Variants in GATAD2B observed in about 807,000 individuals in gnomAD.
GATAD2B encodes GATA zinc finger domain containing 2B.
Under a neutral mutation model 64.3 loss-of-function variants are expected in GATAD2B, and 8 were observed. The ratio of observed to expected loss-of-function variants is 0.12; its 90% CI spans 0.07 to 0.22. The LOEUF is 0.22. GATAD2B is among the 10% of genes least tolerant of loss of function. GATAD2B has a pLI of 1.00. For missense variants in GATAD2B, 453 were observed against 752.0 expected, an observed-to-expected ratio of 0.60 and a Z score of 4.65; for synonymous variants, 281 against 271.3, an observed-to-expected ratio of 1.04 and a Z score of -0.35.
At chr1:153,889,342 G>C (rs1313260292) in intron 1 of GATAD2B, among the ~76,000 whole-genome samples, 2 of 148,370 alleles carry the variant, frequency 1.3e-5, no homozygotes, top group Admixed American at 6.9e-5. Context: ...AACCCAGGAG[G>C]CGGACGTTCT....
At chr1:153,846,100 T>C (rs1224373258) in intron 1 of GATAD2B, among the ~76,000 whole-genome samples, 1 of 152,220 alleles carries the variant, frequency 6.6e-6, no homozygotes, top group Non-Finnish European at 1.5e-5. Flanking sequence ...TTTTCGACAG[T>C]ATTTATCTGA....
At chr1:153,845,012 TTC>T (rs745507623) in intron 1 of GATAD2B, among the ~76,000 whole-genome samples, 132 of 152,258 alleles carry the variant, frequency 8.7e-4, no homozygotes, top group Middle Eastern at 3.4e-3. Flanking sequence ...CCAGAACTAA[TTC>T]TGTTAGAATT....
chr1:153,891,106 C>T (rs1677373387), intron 1 of GATAD2B, among the ~76,000 whole-genome samples: 1 of 151,702 alleles, frequency 6.6e-6, no homozygotes, highest in Non-Finnish European at 1.5e-5. Flanking sequence ...ACTGCTTGAA[C>T]CTGGGAGGCG....
intron 1 of GATAD2B, among the ~76,000 whole-genome samples, chr1:153,894,155 T>C (rs953447594): frequency 4.0e-5 from 6 of 151,816 alleles, no homozygotes; most frequent in Non-Finnish European, 8.8e-5. Flanking sequence ...AGGAGGGTAA[T>C]GACTAGGAGA....
At chr1:153,821,601 C>T (rs1302084461) in intron 2 of GATAD2B, among the ~76,000 whole-genome samples, 1 of 152,020 alleles carries the variant, frequency 6.6e-6, no homozygotes, top group Non-Finnish European at 1.5e-5. Flanking sequence ...GATTCTGGCT[C>T]TGTCGCCCAG....
intron 6 of GATAD2B, 150 bp downstream of exon 6, chr1:153,817,222 G>A (rs1674507791): frequency 1.6e-6 from 1 of 634,764 alleles, no homozygotes; most frequent in South Asian, 3.0e-5. Context: ...TCTACTTTTG[G>A]GACTGCTCTC....
At chr1:153,833,596 C>T (rs1286511034) in intron 1 of GATAD2B, among the ~76,000 whole-genome samples, 1 of 152,050 alleles carries the variant, frequency 6.6e-6, no homozygotes, top group Non-Finnish European at 1.5e-5. Flanking sequence ...AGGTGGATCA[C>T]CTAAGGTCAA....
At chr1:153,814,373 G>C (rs1215517111) in intron 7 of GATAD2B, among the ~76,000 whole-genome samples, 7 of 152,264 alleles carry the variant, frequency 4.6e-5, no homozygotes, top group African/African-American at 1.7e-4. Context: ...TTTTTATAAG[G>C]TCTTTCTTAG....
In GATAD2B at chr1:153,850,933, G is replaced by GT. The variant is rs552346925; in HGVS notation, c.-1-22586dup. ...AAGACTCCACCTCAAAAAAAAAAAA[G>GT]TTTTTTTTTGTTTTATTGTGGTAAA... On this transcript the variant is annotated intron_variant, in intron 1 of 10. Coordinates refer to ENST00000368655, the MANE Select transcript of GATAD2B (RefSeq NM_020699.4). Among the ~76,000 whole-genome samples the GT allele has an allele frequency of 1.8e-3, 276 of 150,452 alleles. 1 individual carries two copies. Among genetic ancestry groups the GT allele is most frequent in the Admixed American group, 4.8e-3 (73 of 15,122 alleles).
intron 1 of GATAD2B, among the ~76,000 whole-genome samples, chr1:153,842,281 T>C (rs990823654): frequency 1.3e-5 from 2 of 152,264 alleles, no homozygotes; most frequent in Non-Finnish European, 2.9e-5. Flanking sequence ...GTGAAACTTC[T>C]GTTCATGTCT....
At position 153,816,595 on chromosome 1, in the gene GATAD2B, T is replaced by C. The variant is rs892374920; in HGVS notation, c.901-7A>G. 3.1e-6 allele frequency: 5 copies of C among 1,596,344 alleles called. No homozygotes were observed. Among genetic ancestry groups the C allele is most frequent in the African/African-American group, 2.7e-5 (2 of 74,586 alleles). ...GAACAGAAGAACTTGACTGCTGAAA[T>C]AGATTGAGAATGCGGTCAATCATGG... On this transcript the variant is annotated splice_polypyrimidine_tract_variant and splice_region_variant and intron_variant, in intron 6 of 10. Coordinates refer to ENST00000368655, the MANE Select transcript of GATAD2B (RefSeq NM_020699.4). The surrounding 1 kb of genome is among the most constrained non-coding windows in gnomAD (Gnocchi z 4.9).
intron 1 of GATAD2B, among the ~76,000 whole-genome samples, chr1:153,884,619 A>C (rs1415866495): frequency 6.6e-6 from 1 of 152,138 alleles, no homozygotes; most frequent in Admixed American, 6.6e-5. Flanking sequence ...AAAAACAAAA[A>C]AACTTCCTCT....
chr1:153,862,722 TTTC>T (rs1359228956), intron 1 of GATAD2B, among the ~76,000 whole-genome samples: 1 of 146,500 alleles, frequency 6.8e-6, no homozygotes, highest in East Asian at 2.1e-4. Context: ...CTCTACTTTA[TTTC>T]TTTTTTTTTT....
At chr1:153,830,454 T>TTTTTATTTTATTTTA (rs71093291) in intron 1 of GATAD2B, among the ~76,000 whole-genome samples, 1 of 133,220 alleles carries the variant, frequency 7.5e-6, no homozygotes, top group Admixed American at 7.9e-5. Context: ...CCTGTTTTTA[T>TTTTTATTTTATTTTA]TTTTATTTTA....
intron 1 of GATAD2B, among the ~76,000 whole-genome samples, chr1:153,901,693 G>A (rs1189779178): frequency 1.3e-5 from 2 of 151,160 alleles, no homozygotes; most frequent in South Asian, 2.1e-4. Context: ...GCATGGTGGC[G>A]TGTACCTGTA....
chr1:153,882,896 AG>A (rs1380140963), intron 1 of GATAD2B, among the ~76,000 whole-genome samples: 2 of 152,212 alleles, frequency 1.3e-5, no homozygotes, highest in Non-Finnish European at 2.9e-5. Context: ...GTCAGAAAAT[AG>A]TGGGGAAGAA....
At position 153,844,052 on chromosome 1, in the gene GATAD2B, G is replaced by A. The variant is rs994955789; in HGVS notation, c.-1-15704C>T. 2.6e-5 allele frequency among the ~76,000 whole-genome samples: 4 copies of A among 152,150 alleles called. 1 individual carries two copies. The highest frequency in any genetic ancestry group is 9.7e-5 in the African/African-American group (4 of 41,436). On this transcript the variant is annotated intron_variant, in intron 1 of 10. Transcript: ENST00000368655. Reference sequence around the variant, plus strand: ...GAAGAGATGGAGCAGAGAACATAATGAGATAATGGCAGCCAGATTTCAAAG... The same window carrying A: ...GAAGAGATGGAGCAGAGAACATAATAAGATAATGGCAGCCAGATTTCAAAG...
In GATAD2B at chr1:153,907,812, T is replaced by C. The variant is rs138696756; in HGVS notation, c.-2+14921A>G. Among the ~76,000 whole-genome samples, 1,105 of 151,968 alleles carry C rather than the reference T, an allele frequency of 7.3e-3. 4 individuals are homozygous for C. The highest frequency in any genetic ancestry group is 0.014 in the Middle Eastern group (4 of 294). On this transcript the variant is annotated intron_variant, in intron 1 of 10. Coordinates refer to ENST00000368655, the MANE Select transcript of GATAD2B (RefSeq NM_020699.4). ...TGCCACCACACCCAGCTAATTTTTTTTGTGTTGTTTGAGATGGAGTTTTGC... is the reference window on the plus strand; with the variant it reads ...TGCCACCACACCCAGCTAATTTTTTCTGTGTTGTTTGAGATGGAGTTTTGC...
intron 1 of GATAD2B, among the ~76,000 whole-genome samples, chr1:153,863,971 T>G (rs1570970787): frequency 1.3e-5 from 2 of 152,176 alleles, no homozygotes; most frequent in Non-Finnish European, 2.9e-5. Context: ...ATGTAGGCTT[T>G]CCTTAGGAAT....
Sources: gnomAD v4.1 joint callset for allele counts (sites outside exome capture counted in the v4.1 genomes callset) on GRCh38, gnomAD v4.1.1 for gene constraint, Gnocchi (gnomAD v3.1) non-coding constraint, MANE v1.5 for transcripts, NCBI Gene and HGNC (gene_info 2026-07-23, HGNC 2026-07-21) for gene names.